ERP27: variants seen among roughly 807,000 people sequenced by gnomAD.
ERP27 encodes the protein endoplasmic reticulum resident protein 27.
In ERP27, 23 loss-of-function variants were observed where a neutral mutation model predicts 27.7. The ratio of observed to expected loss-of-function variants is 0.83; its 90% CI spans 0.60 to 1.18. The LOEUF (loss-of-function observed/expected upper bound fraction) is 1.18. ERP27 is among the 50% of genes most tolerant of loss of function. The probability of loss-of-function intolerance (pLI) is 0.00; values close to 1 mark genes in which losing one functional copy is unlikely to be tolerated. For missense variants in ERP27, 363 were observed against 327.9 expected (o/e 1.11, Z -0.83); for synonymous variants, 159 against 118.3 (o/e 1.34, Z -2.23).
At chr12:14,923,394 A>G (rs901849845) in intron 3 of ERP27, among the ~76,000 whole-genome samples, 2 of 151,364 alleles carry the variant, frequency 1.3e-5, no homozygotes, top group African/African-American at 2.4e-5. Flanking sequence ...GTATATTCAT[A>G]TATATAATAT....
At chr12:14,922,400 A>C (rs1863518623) in intron 3 of ERP27, among the ~76,000 whole-genome samples, 1 of 152,190 alleles carries the variant, frequency 6.6e-6, no homozygotes, top group Non-Finnish European at 1.5e-5. Flanking sequence ...TAATTTAAGG[A>C]TATGAGGACA....
In ERP27 at chr12:14,936,784, A is replaced by G. The variant is rs370935980; in HGVS notation, c.195+1168T>C. Among the ~76,000 whole-genome samples, 4 of 152,258 alleles carry G rather than the reference A, an allele frequency of 2.6e-5. No homozygotes were observed. In the South Asian group the frequency reaches 6.2e-4, roughly 24 times the overall value. ...ATCCTGTGAAGAGGTTCCTTCTGCCATGATTGTAAATTTCCTCAGGCCTTC... is the reference window on the plus strand; with the variant it reads ...ATCCTGTGAAGAGGTTCCTTCTGCCGTGATTGTAAATTTCCTCAGGCCTTC... On this transcript the variant is annotated intron_variant, in intron 2 of 6. Transcript: ENST00000266397.
At chr12:14,916,601 CT>C (rs2120539903) in intron 5 of ERP27, among the ~76,000 whole-genome samples, 1 of 152,266 alleles carries the variant, frequency 6.6e-6, no homozygotes, top group Non-Finnish European at 1.5e-5. Context: ...ACACTAAATA[CT>C]TTCAGTGTTA....
intron 6 of ERP27, 132 bp downstream of exon 6, chr12:14,915,357 T>G: frequency 1.3e-6 from 1 of 792,338 alleles, no homozygotes; most frequent in East Asian, 2.7e-5. Flanking sequence ...TCCTCCTATC[T>G]ATCTGCACTT....
At chr12:14,931,156 A>C (rs1863690987) in intron 3 of ERP27, among the ~76,000 whole-genome samples, 1 of 148,714 alleles carries the variant, frequency 6.7e-6, no homozygotes, top group South Asian at 2.2e-4. Context: ...TCTCTCATGG[A>C]AATTTCTTTA....
chr12:14,915,069 A>G (rs181517320), intron 6 of ERP27, among the ~76,000 whole-genome samples: 1 of 152,324 alleles, frequency 6.6e-6, no homozygotes, highest in Non-Finnish European at 1.5e-5. Context: ...CAAATCTAGT[A>G]GAGCCCAAAT....
At position 14,917,178 on chromosome 12, in the gene ERP27, C is replaced by G; in HGVS notation, c.576G>C (p.Lys192Asn). ...TAGGATATTCCCATTCTTGCCTTAC[C>G]TTCCCCTGGAAGAGCTTGGCTGCCT... ...YQKAAKLFQG[K>N]ILFILVDSGM... Residue 192 changes from lysine to asparagine, a missense_variant and splice_region_variant, in exon 5 of 7, where the codon AAG (lysine) becomes AAC (asparagine). Physicochemically the swap from Lys to Asn is moderately conservative, Grantham distance 94 (BLOSUM62 0). Transcript: ENST00000266397. 1 of 1,614,072 alleles carries G rather than the reference C, an allele frequency of 6.2e-7. No individual in the cohort carries two copies. The highest frequency in any genetic ancestry group is 8.5e-7 in the Non-Finnish European group (1 of 1,179,994).
At chr12:14,926,132 T>C (rs1329507059) in intron 3 of ERP27, among the ~76,000 whole-genome samples, 1 of 152,212 alleles carries the variant, frequency 6.6e-6, no homozygotes, top group Non-Finnish European at 1.5e-5. Flanking sequence ...TTTTATTCAA[T>C]TTTGTCAGTT....
At chr12:14,933,380 C>A (rs1309566407) in intron 3 of ERP27, among the ~76,000 whole-genome samples, 2 of 152,130 alleles carry the variant, frequency 1.3e-5, no homozygotes, top group African/African-American at 4.8e-5. Flanking sequence ...TCATCACTAA[C>A]ATCATACATG....
intron 3 of ERP27, among the ~76,000 whole-genome samples, chr12:14,921,362 T>A (rs987032932): frequency 1.3e-5 from 2 of 152,128 alleles, no homozygotes; most frequent in Non-Finnish European, 2.9e-5. Flanking sequence ...TAAATGAGGA[T>A]GAGGAAGGAG....
Position 14,920,990 on chromosome 12 carries a change from T to C in ERP27, c.392A>G (p.Lys131Arg). Residue 131 changes from lysine (K) to arginine (R), a missense_variant, in exon 4 of 7, where the codon AAA (lysine) becomes AGA (arginine). Physicochemically the swap from Lys to Arg is conservative, Grantham distance 26 (BLOSUM62 2). Transcript: ENST00000266397. ...GTTGATCTCAATGAAACGGCTCAAT[T>C]TGGTGGCATCAATGCTTTCAATGTC... Reference protein sequence around the residue: ...DEDIESIDATKLSRFIEINSL... With the variant: ...DEDIESIDATRLSRFIEINSL... The C allele has an allele frequency of 1.2e-6, 2 of 1,614,146 alleles. No individual in the cohort carries two copies. The highest frequency in any genetic ancestry group is 1.7e-6 in the Non-Finnish European group (2 of 1,180,002).
chr12:14,915,838 G>A (rs1863402618), intron 5 of ERP27, 152 bp from the exon 6 acceptor site: 2 of 714,862 alleles, frequency 2.8e-6, no homozygotes, highest in East Asian at 2.7e-5. Flanking sequence ...TATTGCAGCT[G>A]TAACAAAGAA....
chr12:14,935,239 T>A (rs1336520941), intron 2 of ERP27: 5 of 785,312 alleles, frequency 6.4e-6, no homozygotes, highest in Non-Finnish European at 7.7e-6. Context: ...TCAGGCCTTG[T>A]CATAGAGCTT....
At chr12:14,923,440 A>G (rs1863540515) in intron 3 of ERP27, among the ~76,000 whole-genome samples, 1 of 151,458 alleles carries the variant, frequency 6.6e-6, no homozygotes, top group Non-Finnish European at 1.5e-5. Context: ...TATAAAAATA[A>G]TACAATGTAA....
intron 3 of ERP27, among the ~76,000 whole-genome samples, chr12:14,927,085 T>C (rs144705823): frequency 6.6e-6 from 1 of 152,322 alleles, no homozygotes. Context: ...ATTTGAAAGA[T>C]ATAATGCTTT....
At chr12:14,931,177 A>G (rs2445370) in intron 3 of ERP27, among the ~76,000 whole-genome samples, 59,264 of 152,010 alleles carry the variant, frequency 0.39, 11,970 homozygotes, top group African/African-American at 0.47. Context: ...TTAAAAATGC[A>G]GGAATAATAA....
chr12:14,921,088 T>A lies in ERP27; in HGVS notation c.334-40A>T, dbSNP rs202152473. On this transcript the variant is annotated intron_variant, in intron 3 of 6. Coordinates refer to ENST00000266397, the MANE Select transcript of ERP27 (RefSeq NM_152321.4). ...AAAGAATGAAGTCACTATTCCATCT[T>A]TTTTTCATGTATTGATAAACGTCTT... 4.3e-5 allele frequency: 66 copies of A among 1,540,312 alleles called. No individual in the cohort carries two copies. In the East Asian group the frequency reaches 1.3e-3, roughly 29 times the overall value.
At chr12:14,932,581 A>T (rs990540745) in intron 3 of ERP27, among the ~76,000 whole-genome samples, 2 of 152,246 alleles carry the variant, frequency 1.3e-5, no homozygotes, top group Non-Finnish European at 2.9e-5. Flanking sequence ...GTAACATTAA[A>T]TATCTCATTT....
rs1177075221 is a variant in ERP27 at position 14,928,828 on chromosome 12, C to T, written c.333+6028G>A. 8.7e-6 allele frequency: 9 copies of T among 1,040,258 alleles called. No individual in the cohort carries two copies. The East Asian group carries it at 2.3e-4, about 27-fold the overall frequency. 64.4% of individuals were successfully genotyped at this position (1,040,258 alleles called of 1,614,324 possible). ...TCTTAGGTAGATCCTTGCCCACCCT[C>T]CTACCACCTCCTTCCCCTTCCCTTG... On this transcript the variant is annotated intron_variant, in intron 3 of 6. Coordinates refer to ENST00000266397, the MANE Select transcript of ERP27 (RefSeq NM_152321.4).
Sources: gnomAD v4.1 joint callset for allele counts (sites outside exome capture counted in the v4.1 genomes callset) on GRCh38, gnomAD v4.1.1 for gene constraint, MANE v1.5 for transcripts, NCBI Gene and HGNC (gene_info 2026-07-23, HGNC 2026-07-21) for gene names.